GLI3: variants seen among roughly 807,000 people sequenced by gnomAD.
The protein encoded by GLI3 is GLI family zinc finger 3.
A neutral mutation model predicts 100.8 loss-of-function variants in GLI3; 20 were observed. That is an observed-to-expected ratio of 0.20 (90% CI 0.14 to 0.29). GLI3 has a LOEUF of 0.29. GLI3 is among the 10% of genes least tolerant of loss of function. The pLI is 1.00. For synonymous variants in GLI3, 938 were observed against 860.5 expected (o/e 1.09, Z -1.58); for missense variants, 2,040 against 2,128.5 (o/e 0.96, Z 0.82).
At chr7:42,181,820 T>C (rs944121214) in intron 2 of GLI3, among the ~76,000 whole-genome samples, 9 of 152,170 alleles carry the variant, frequency 5.9e-5, no homozygotes, top group African/African-American at 2.2e-4. Flanking sequence ...GAACAAGGTC[T>C]CATACATCTT....
intron 2 of GLI3, chr7:42,172,386 A>C (rs1787391294): frequency 1.6e-6 from 1 of 610,334 alleles, no homozygotes; most frequent in Non-Finnish European, 2.9e-6. Context: ...CCTCTGTGGT[A>C]GAGGAGAATT....
intron 2 of GLI3, among the ~76,000 whole-genome samples, chr7:42,158,131 C>T (rs922202146): frequency 1.3e-5 from 2 of 152,180 alleles, no homozygotes; most frequent in African/African-American, 4.8e-5. Context: ...TTTACCAGCC[C>T]ACTCTGGAAA....
At chr7:42,182,664 A>ATATATACATGTGTG (rs1554337049) in intron 2 of GLI3, among the ~76,000 whole-genome samples, 36 of 78,306 alleles carry the variant, frequency 4.6e-4, no homozygotes, top group Non-Finnish European at 7.5e-4. Context: ...ATATATATAT[A>ATATATACATGTGTG]TATATATATA....
intron 2 of GLI3, among the ~76,000 whole-genome samples, chr7:42,216,102 C>T (rs562463022): frequency 6.6e-6 from 1 of 152,178 alleles, no homozygotes; most frequent in Non-Finnish European, 1.5e-5. Flanking sequence ...CATGATCACA[C>T]AGCAATTACG....
At position 41,976,108 on chromosome 7, in the gene GLI3, C is replaced by T. The variant is rs1787504784; in HGVS notation, c.1812+1450G>A. ...TTAGCAGTCATCACTATTCCCTCTC[C>T]CCTCTGCTTTTGGCAACCACTGATC... On this transcript the variant is annotated intron_variant, in intron 12 of 14. Transcript: ENST00000395925. 2.0e-5 allele frequency among the ~76,000 whole-genome samples: 3 copies of T among 152,144 alleles called. No homozygotes were observed. In the South Asian group the frequency reaches 6.2e-4, roughly 32 times the overall value.
At chr7:42,250,358 G>T (rs1162206846) in intron 1 of GLI3, among the ~76,000 whole-genome samples, 2 of 152,168 alleles carry the variant, frequency 1.3e-5, no homozygotes, top group South Asian at 2.1e-4. Flanking sequence ...ACAGATATGA[G>T]GACTTGGGTG....
At chr7:42,103,540 T>C (rs1785511582) in intron 3 of GLI3, among the ~76,000 whole-genome samples, 1 of 152,182 alleles carries the variant, frequency 6.6e-6, no homozygotes, top group Non-Finnish European at 1.5e-5. Context: ...ACTATGTAAT[T>C]GGGGAACCAA....
chr7:41,968,952 C>A (rs540266583), intron 13 of GLI3, among the ~76,000 whole-genome samples: 26 of 152,254 alleles, frequency 1.7e-4, no homozygotes, highest in Admixed American at 1.0e-3. Context: ...ACAATGGAAT[C>A]TTAATCTAGT....
At chr7:42,007,863 G>A (rs547139908) in intron 10 of GLI3, among the ~76,000 whole-genome samples, 191 of 151,994 alleles carry the variant, frequency 1.3e-3, no homozygotes, top group African/African-American at 3.6e-3. Flanking sequence ...ACAGTATGTC[G>A]GCCTAGTTTG....
intron 2 of GLI3, among the ~76,000 whole-genome samples, chr7:42,210,340 C>T (rs1276666925): frequency 1.0e-4 from 1 of 9,696 alleles, no homozygotes; most frequent in African/African-American, 2.1e-4. Flanking sequence ...AAATGAAAGC[C>T]CCCCCCCCCC....
Position 42,063,579 on chromosome 7 carries a change from T to C in GLI3, c.473+13173A>G, listed in dbSNP as rs187910587. 5.2e-4 allele frequency among the ~76,000 whole-genome samples: 79 copies of C among 152,348 alleles called. No homozygotes were observed. The East Asian group carries it at 0.015, about 28-fold the overall frequency. Reference sequence around the variant, plus strand: ...CTGCCACTTCACCAATAAGCAATTGTAAAACACTATAGATTGTAAAATACA... The same window carrying C: ...CTGCCACTTCACCAATAAGCAATTGCAAAACACTATAGATTGTAAAATACA... On this transcript the variant is annotated intron_variant, in intron 4 of 14. Transcript: ENST00000395925.
chr7:42,117,252 G>C (rs762349021), intron 3 of GLI3, among the ~76,000 whole-genome samples: 3 of 152,202 alleles, frequency 2.0e-5, no homozygotes, highest in Non-Finnish European at 4.4e-5. Context: ...AGAAGGAAAT[G>C]ATACCAGCAA....
intron 2 of GLI3, among the ~76,000 whole-genome samples, chr7:42,222,221 T>G (rs1354670969): frequency 6.6e-6 from 1 of 152,192 alleles, no homozygotes; most frequent in Non-Finnish European, 1.5e-5. Flanking sequence ...AAACCTGTCT[T>G]GGAATATAGA....
intron 1 of GLI3, among the ~76,000 whole-genome samples, chr7:42,261,370 C>T (rs1461370850): frequency 6.6e-6 from 1 of 152,100 alleles, no homozygotes; most frequent in Non-Finnish European, 1.5e-5. Context: ...CTAGGCCTCA[C>T]CTCCAGCATG....
intron 10 of GLI3, among the ~76,000 whole-genome samples, chr7:42,004,228 ACAAC>A (rs1191604107): frequency 3.3e-5 from 5 of 152,230 alleles, no homozygotes; most frequent in Non-Finnish European, 7.3e-5. Flanking sequence ...CTGGTGTTAT[ACAAC>A]CAACACAATT....
intron 10 of GLI3, among the ~76,000 whole-genome samples, chr7:41,985,438 T>A (rs1374142913): frequency 6.6e-6 from 1 of 152,176 alleles, no homozygotes; most frequent in Non-Finnish European, 1.5e-5. Flanking sequence ...AGTAAACTAT[T>A]TCAAGTAAGC....
At chr7:42,102,902 A>G (rs1785498077) in intron 3 of GLI3, among the ~76,000 whole-genome samples, 1 of 152,242 alleles carries the variant, frequency 6.6e-6, no homozygotes, top group Non-Finnish European at 1.5e-5. Context: ...GTGGCATATT[A>G]TAACATACAG....
intron 3 of GLI3, among the ~76,000 whole-genome samples, chr7:42,124,735 C>T (rs190565307): frequency 8.1e-4 from 123 of 152,204 alleles, no homozygotes; most frequent in Middle Eastern, 6.8e-3. Context: ...TTCAAAGTGT[C>T]GGGACAAAGT....
Position 42,055,040 on chromosome 7 carries a change from CAT to C in GLI3, c.474-6346_474-6345del, listed in dbSNP as rs1232968534. Among the ~76,000 whole-genome samples the C allele has an allele frequency of 8.3e-5, 11 of 132,564 alleles. No homozygotes were observed. In the East Asian group the frequency reaches 1.7e-3, roughly 20 times the overall value. 87.0% of individuals were successfully genotyped at this position (132,564 alleles called of 152,430 possible). Reference sequence around the variant, plus strand: ...ATATACATATACACATATATGTATACATATATATATACACACACATATATGTA... The same window carrying C: ...ATATACATATACACATATATGTATACATATATATACACACACATATATGTA... On this transcript the variant is annotated intron_variant, in intron 4 of 14. Coordinates refer to ENST00000395925, the MANE Select transcript of GLI3 (RefSeq NM_000168.6).
Sources: allele counts gnomAD v4.1 joint callset (sites outside exome capture counted in the v4.1 genomes callset), GRCh38; gene constraint gnomAD v4.1.1; transcripts MANE v1.5; gene names NCBI Gene and HGNC (gene_info 2026-07-23, HGNC 2026-07-21).